RBPMS2: variants seen among roughly 807,000 people sequenced by gnomAD.
The protein encoded by RBPMS2 is RNA binding protein, mRNA processing factor 2.
In RBPMS2, 14 loss-of-function variants were observed where a neutral mutation model predicts 25.7. The observed-to-expected ratio is 0.55, with a 90% CI of 0.36 to 0.85. RBPMS2 has a LOEUF of 0.85. Ranked by LOEUF, RBPMS2 falls within the 40% of genes least tolerant of loss-of-function variation. RBPMS2 has a pLI of 0.01. For missense variants in RBPMS2, 252 were observed against 283.4 expected (o/e 0.89, Z 0.80); for synonymous variants, 127 against 115.6 (o/e 1.10, Z -0.63).
chr15:64,761,737 C>T (rs1055440682), intron 1 of RBPMS2, among the ~76,000 whole-genome samples: 2 of 127,878 alleles, frequency 1.6e-5, no homozygotes, highest in Admixed American at 9.9e-5. Flanking sequence ...GAGTCTCACT[C>T]TGTCGCCCAG....
chr15:64,774,396 T>C (rs2083913079), intron 1 of RBPMS2, among the ~76,000 whole-genome samples: 1 of 152,096 alleles, frequency 6.6e-6, no homozygotes, highest in South Asian at 2.1e-4. Context: ...TTTGAGGCTT[T>C]TATCCAGCAC....
At chr15:64,750,796 T>C (rs1292987270) in intron 2 of RBPMS2, among the ~76,000 whole-genome samples, 3 of 152,166 alleles carry the variant, frequency 2.0e-5, no homozygotes, top group African/African-American at 7.2e-5. Flanking sequence ...TCCCAGCACT[T>C]TGGGAGGCCG....
chr15:64,770,374 A>G (rs1656793502), intron 1 of RBPMS2, among the ~76,000 whole-genome samples: 1 of 152,216 alleles, frequency 6.6e-6, no homozygotes, highest in Non-Finnish European at 1.5e-5. Flanking sequence ...TTCCTCATTT[A>G]TGAAATGGTG....
intron 1 of RBPMS2, among the ~76,000 whole-genome samples, chr15:64,771,437 C>T (rs1034590148): frequency 6.6e-6 from 1 of 152,320 alleles, no homozygotes; most frequent in East Asian, 1.9e-4. Context: ...AATCTCAGCA[C>T]TTTGGGAGGC....
intron 1 of RBPMS2, among the ~76,000 whole-genome samples, chr15:64,759,215 A>C (rs747210926): frequency 1.3e-5 from 2 of 152,210 alleles, no homozygotes; most frequent in Non-Finnish European, 2.9e-5. Context: ...TGGCACAGGA[A>C]GTAGAGCCCC....
intron 6 of RBPMS2, among the ~76,000 whole-genome samples, 161 bp downstream of exon 6, chr15:64,748,258 G>A (rs1300785574): frequency 6.6e-6 from 1 of 152,210 alleles, no homozygotes; most frequent in Non-Finnish European, 1.5e-5. Context: ...AACCCAAGGG[G>A]AGGACAAATA....
At chr15:64,762,473 T>C in intron 1 of RBPMS2, 1 of 534,782 alleles carries the variant, frequency 1.9e-6, no homozygotes, top group African/African-American at 1.9e-5. Flanking sequence ...GAGCACGTTT[T>C]CAGAATTTGC....
At chr15:64,762,241 T>C in intron 1 of RBPMS2, 1 of 413,440 alleles carries the variant, frequency 2.4e-6, no homozygotes. Context: ...CACTGGATGA[T>C]GCCACGGTGA....
intron 1 of RBPMS2, among the ~76,000 whole-genome samples, chr15:64,760,264 C>T (rs2141069952): frequency 6.6e-6 from 1 of 152,338 alleles, no homozygotes; most frequent in South Asian, 2.1e-4. Flanking sequence ...GGGGACCCCA[C>T]ACTTGGTCAG....
chr15:64,741,023 C>T (rs906033162), intron 7 of RBPMS2, 23 bp from the exon 8 acceptor site: 8 of 589,234 alleles, frequency 1.4e-5, no homozygotes, highest in African/African-American at 9.4e-5. Flanking sequence ...AGAGAGGCGG[C>T]CGTGAGCAGA....
At chr15:64,752,605 T>C (rs1443053493) in intron 1 of RBPMS2, among the ~76,000 whole-genome samples, 1 of 152,056 alleles carries the variant, frequency 6.6e-6, no homozygotes, top group Non-Finnish European at 1.5e-5. Context: ...GGTGAAGCAT[T>C]TGATGCTGTG....
At chr15:64,753,278 A>G (rs2083699909) in intron 1 of RBPMS2, among the ~76,000 whole-genome samples, 1 of 152,104 alleles carries the variant, frequency 6.6e-6, no homozygotes, top group Admixed American at 6.5e-5. Flanking sequence ...TCACGCGGCC[A>G]TTCTTGAAAG....
intron 1 of RBPMS2, among the ~76,000 whole-genome samples, chr15:64,758,931 T>C (rs995874838): frequency 6.6e-6 from 1 of 152,234 alleles, no homozygotes; most frequent in Non-Finnish European, 1.5e-5. Flanking sequence ...TTTTTATTTT[T>C]AATTAAAAAT....
At position 64,748,484 on chromosome 15, in the gene RBPMS2, C is replaced by G; in HGVS notation, c.502G>C (p.Ala168Pro). The change falls in exon 6 of 8, where the codon GCC becomes CCC. Residue 168 changes from alanine (A) to proline (P), a missense_variant. Physicochemically the swap from Ala to Pro is conservative, Grantham distance 27. Coordinates refer to ENST00000300069, the MANE Select transcript of RBPMS2 (RefSeq NM_194272.3). The stretch of plus-strand genomic sequence containing the variant: ...TAGGTGAACGCAGCATGGGAGATGG[C>G]TGGGGTCAGCTCTGTGGTGTACAAA... Reference protein sequence around the residue: ...YPLYTTELTPAISHAAFTYPT... With the variant: ...YPLYTTELTPPISHAAFTYPT... 2 of 1,613,982 alleles carry G rather than the reference C, an allele frequency of 1.2e-6. No homozygotes were observed. Among genetic ancestry groups the G allele is most frequent in the Non-Finnish European group, 1.7e-6 (2 of 1,179,936 alleles).
intron 1 of RBPMS2, among the ~76,000 whole-genome samples, chr15:64,762,768 C>A (rs149538281): frequency 6.6e-6 from 1 of 152,106 alleles, no homozygotes; most frequent in Non-Finnish European, 1.5e-5. Context: ...TGACACCAGG[C>A]GTTTTAAAGG....
chr15:64,750,649 G>A (rs905387796), intron 2 of RBPMS2, among the ~76,000 whole-genome samples: 11 of 152,298 alleles, frequency 7.2e-5, no homozygotes, highest in African/African-American at 2.2e-4. Context: ...CTAGTAACCC[G>A]AGAGCACAGA....
At chr15:64,773,954 T>C (rs2083909630) in intron 1 of RBPMS2, among the ~76,000 whole-genome samples, 1 of 152,212 alleles carries the variant, frequency 6.6e-6, no homozygotes, top group Admixed American at 6.5e-5. Flanking sequence ...CTTAAGTCAT[T>C]AGTGGACAGA....
intron 6 of RBPMS2, among the ~76,000 whole-genome samples, chr15:64,746,292 G>C (rs150284146): frequency 2.0e-5 from 3 of 152,180 alleles, no homozygotes; most frequent in African/African-American, 7.2e-5. Flanking sequence ...CCCGTCCAAG[G>C]AAGGCCAGAA....
At chr15:64,745,968 C>T (rs140417582) in intron 6 of RBPMS2, among the ~76,000 whole-genome samples, 51 of 152,288 alleles carry the variant, frequency 3.3e-4, no homozygotes, top group Non-Finnish European at 6.8e-4. Context: ...AAACTCAGTC[C>T]TTCTATTGGT....
Sources: allele counts gnomAD v4.1 joint callset (sites outside exome capture counted in the v4.1 genomes callset), GRCh38; gene constraint gnomAD v4.1.1; transcripts MANE v1.5; gene names NCBI Gene and HGNC (gene_info 2026-07-23, HGNC 2026-07-21).